The following MXRA5 variants were observed in gnomAD, a reference collection of about 807,000 sequenced individuals.
MXRA5 encodes matrix remodeling associated 5, also known as matrix-remodeling-associated protein 5.
A neutral mutation model predicts 112.5 loss-of-function variants in MXRA5; 41 were observed. The observed-to-expected ratio is 0.36, with a 90% CI of 0.28 to 0.47. The LOEUF is 0.47. Ranked by LOEUF, MXRA5 falls within the 20% of genes least tolerant of loss-of-function variation. MXRA5 has a pLI of 0.99. For synonymous variants in MXRA5, 862 were observed against 900.8 expected, an observed-to-expected ratio of 0.96 and a Z score of 0.77; for missense variants, 2,150 against 2,251.0, an observed-to-expected ratio of 0.96 and a Z score of 0.91.
chrX:3,311,404 C>T lies in MXRA5; in HGVS notation c.6799G>A (p.Ala2267Thr). Residue 2267 changes from alanine (A) to threonine (T), a missense_variant, in exon 7 of 7, where the codon GCC (alanine) becomes ACC (threonine). Ala to Thr is a moderately conservative substitution (Grantham distance 58). Around this residue, in one of 6 missense-constraint regions of MXRA5, gnomAD observed 1,485 missense variants for 1,471.6 expected, o/e 1.01. Transcript: ENST00000217939. Reference protein sequence around the residue: ...YGGDLKVDCVATGLPNPEISW... With the variant: ...YGGDLKVDCVTTGLPNPEISW... ...ATCTCGGGATTGGGAAGCCCGGTGG[C>T]CACACAGTCCACTTTCAGGTCACCC... 1 of 1,211,783 alleles carries T rather than the reference C, an allele frequency of 8.3e-7. No homozygotes were observed. Among genetic ancestry groups the T allele is most frequent in the Non-Finnish European group, 1.1e-6 (1 of 895,551 alleles).
rs747103014 is a variant in MXRA5, at chrX:3,321,558, C to T, written c.4127G>A (p.Gly1376Glu). Residue 1376 changes from glycine (G) to glutamate (E), a missense_variant, in exon 5 of 7, where the codon GGA (glycine) becomes GAA (glutamate). By Grantham distance (98) the Gly-to-Glu change is moderately conservative. Coordinates refer to ENST00000217939, the MANE Select transcript of MXRA5 (RefSeq NM_015419.4). ...CCTTGAGGGATTCCAGGTTGGAGTT[C>T]CTGGAAAGCCTACAGGAGAGGATTC... ...KEESSPVGFP[G>E]TPTWNPSRTA... 7.5e-6 allele frequency: 9 copies of T among 1,207,722 alleles called. No homozygotes were observed. Among genetic ancestry groups the T allele is most frequent in the Middle Eastern group, 2.5e-4 (1 of 3,933 alleles).
intron 2 of MXRA5, among the ~76,000 whole-genome samples, chrX:3,343,151 G>A (rs1289277567): frequency 8.9e-6 from 1 of 112,527 alleles, no homozygotes. Context: ...TTAAAAAGAC[G>A]TTGATATTTT....
In MXRA5 at chrX:3,316,300, C is replaced by A. The variant is rs1411560526; in HGVS notation, c.6578+803G>T. 3.5e-5 allele frequency among the ~76,000 whole-genome samples: 3 copies of A among 86,732 alleles called. No homozygotes were observed. In the Admixed American group the frequency reaches 4.0e-4, roughly 11 times the overall value. 75.3% of individuals were successfully genotyped at this position (86,732 alleles called of 115,157 possible). On this transcript the variant is annotated intron_variant, in intron 6 of 6. Transcript: ENST00000217939. Reference sequence around the variant, plus strand: ...CTGCACTCCAGCCTGGGCCACAGAGCGAGATTCCGTCTCAAAAATAAATAA... The same window carrying A: ...CTGCACTCCAGCCTGGGCCACAGAGAGAGATTCCGTCTCAAAAATAAATAA...
In MXRA5 at chrX:3,309,557, C is replaced by A; in HGVS notation, c.*159G>T. On this transcript the variant is annotated 3_prime_UTR_variant, in exon 7 of 7. Transcript: ENST00000217939. ...TCTCGTGTCTGCATTGCTTCCTTTT[C>A]CCAACAATTGTAGATCAAGATCAAC... is the stretch of plus-strand genomic sequence containing the variant. 1.1e-5 allele frequency: 5 copies of A among 469,864 alleles called. No individual in the cohort carries two copies. In the South Asian group the frequency reaches 1.8e-4, roughly 17 times the overall value. 38.7% of individuals were successfully genotyped at this position (469,864 alleles called of 1,213,427 possible).
intron 2 of MXRA5, among the ~76,000 whole-genome samples, chrX:3,336,027 A>G (rs1004490377): frequency 3.6e-5 from 4 of 112,248 alleles, no homozygotes; most frequent in African/African-American, 1.3e-4. Context: ...TTTCATCTGT[A>G]TTTACAGCCA....
chrX:3,326,615 A>G (rs1921516588), intron 4 of MXRA5, among the ~76,000 whole-genome samples: 1 of 109,171 alleles, frequency 9.2e-6, no homozygotes, highest in South Asian at 4.0e-4. Context: ...TATTTGTAGT[A>G]AACACTTCAC....
chrX:3,338,624 A>T (rs1921837468), intron 2 of MXRA5, among the ~76,000 whole-genome samples: 1 of 110,041 alleles, frequency 9.1e-6, no homozygotes, highest in African/African-American at 3.4e-5. Flanking sequence ...AGATAGGTAG[A>T]TTAATAGATG....
Position 3,311,261 on chromosome X carries a change from C to T in MXRA5, c.6942G>A (p.Val2314=). The change falls in exon 7 of 7, where the codon GTG becomes GTA. Residue 2314 remains valine, a synonymous_variant. Transcript: ENST00000217939. ...TGTAGTCTCCTTCCTCCCTCATCCC[C>T]ACTTCGTTAAAGTAGAGTGTCCCAT... The part of the protein sequence containing the change: ...FNNGTLYFNE[V]GMREEGDYTC... 2 of 1,211,722 alleles carry T rather than the reference C, an allele frequency of 1.7e-6. No individual in the cohort carries two copies. The highest frequency in any genetic ancestry group is 1.1e-6 in the Non-Finnish European group (1 of 895,516).
At chrX:3,341,211 A>T (rs868732792) in intron 2 of MXRA5, among the ~76,000 whole-genome samples, 1 of 50,905 alleles carries the variant, frequency 2.0e-5, no homozygotes, top group Non-Finnish European at 3.3e-5. Context: ...TATAATATAT[A>T]ATAATATATA....
intron 6 of MXRA5, among the ~76,000 whole-genome samples, chrX:3,314,728 G>A (rs183488793): frequency 2.3e-3 from 260 of 110,815 alleles, no homozygotes; most frequent in Non-Finnish European, 4.4e-3. Context: ...GCACTGTAGG[G>A]TGTTGAGCAG....
intron 4 of MXRA5, among the ~76,000 whole-genome samples, chrX:3,325,986 T>A (rs1474142425): frequency 1.5e-5 from 1 of 67,796 alleles, no homozygotes; most frequent in Admixed American, 2.4e-4. Flanking sequence ...TTATAATATA[T>A]AATTTATATA....
rs6655018 is a variant in MXRA5 at position 3,309,536 on chromosome X, G to C, written c.*180C>G. The C allele has an allele frequency of 0.027, 11,918 of 439,635 alleles. 1,013 individuals carry two copies. The highest frequency in any genetic ancestry group is 0.25 in the African/African-American group (10,205 of 40,077). 36.2% of individuals were successfully genotyped at this position (439,635 alleles called of 1,213,427 possible). ...TCAGCAAGGCTGAGCCCTCCTTCTCGTGTCTGCATTGCTTCCTTTTCCCAA... is the reference window on the plus strand; with the variant it reads ...TCAGCAAGGCTGAGCCCTCCTTCTCCTGTCTGCATTGCTTCCTTTTCCCAA... On this transcript the variant is annotated 3_prime_UTR_variant, in exon 7 of 7. Transcript: ENST00000217939.
intron 2 of MXRA5, among the ~76,000 whole-genome samples, chrX:3,331,010 C>T (rs1921652280): frequency 9.0e-6 from 1 of 111,283 alleles, no homozygotes; most frequent in African/African-American, 3.3e-5. Context: ...TCCAGCAATC[C>T]TCCCACATCA....
At chrX:3,329,536 G>A (rs1921612185) in intron 4 of MXRA5, among the ~76,000 whole-genome samples, 2 of 66,379 alleles carry the variant, frequency 3.0e-5, no homozygotes, top group South Asian at 1.3e-3. Context: ...ATAAGTCCTG[G>A]TTGTTGTCAT....
chrX:3,317,069 A>G, intron 6 of MXRA5, 34 bp downstream of exon 6: 2 of 1,107,267 alleles, frequency 1.8e-6, no homozygotes, highest in South Asian at 4.6e-5. Flanking sequence ...CCACCAGCCC[A>G]GCGATTTACA....
At chrX:3,326,905 T>C (rs1362394132) in intron 4 of MXRA5, among the ~76,000 whole-genome samples, 1 of 111,758 alleles carries the variant, frequency 8.9e-6, no homozygotes, top group Non-Finnish European at 1.9e-5. Flanking sequence ...TCCAAACACA[T>C]TCCGTGAGTT....
Position 3,321,619 on chromosome X carries a change from G to T in MXRA5, c.4066C>A (p.Arg1356Ser), listed in dbSNP as rs1035250212. The part of the protein sequence containing the change: ...ESITNAIPTS[R>S]SLVSTMGEFK... ...TCTCCCATAGTGGAGACCAAGGAGC[G>T]AGAAGTTGGTATGGCATTAGTAATT... is the stretch of plus-strand genomic sequence containing the variant. Residue 1356 changes from arginine to serine, a missense_variant, in exon 5 of 7, where the codon CGC becomes AGC. Around this residue, in one of 6 missense-constraint regions of MXRA5, gnomAD observed 1,485 missense variants for 1,471.6 expected, o/e 1.01. Transcript: ENST00000217939. 82 of 1,209,526 alleles carry T rather than the reference G, an allele frequency of 6.8e-5. No homozygotes were observed. The highest frequency in any genetic ancestry group is 8.9e-5 in the Non-Finnish European group (80 of 894,988).
In MXRA5 at chrX:3,317,806, C is replaced by T; in HGVS notation, c.5875G>A (p.Asp1959Asn). The change falls in exon 6 of 7, where the codon GAC (aspartate) becomes AAC (asparagine). Residue 1959 changes from aspartate (D) to asparagine (N), a missense_variant. Around this residue, in one of 6 missense-constraint regions of MXRA5, gnomAD observed 1,485 missense variants for 1,471.6 expected, o/e 1.01. Coordinates refer to ENST00000217939, the MANE Select transcript of MXRA5 (RefSeq NM_015419.4). ...GTGTCTCCCAGGTAGACAGTGACGT[C>T]CTGGTAGTGGGAGGCTAGGATTTGA... ...QPQILASHYQ[D>N]VTVYLGDTIA... 1 of 1,211,153 alleles carries T rather than the reference C, an allele frequency of 8.3e-7. No individual in the cohort carries two copies. Among genetic ancestry groups the T allele is most frequent in the Non-Finnish European group, 1.1e-6 (1 of 895,278 alleles).
rs148987900 is a variant in MXRA5 at position 3,311,167 on chromosome X, C to T, written c.7036G>A (p.Ala2346Thr). 107 of 1,209,534 alleles carry T rather than the reference C, an allele frequency of 8.8e-5. No homozygotes were observed. Among genetic ancestry groups the T allele is most frequent in the Non-Finnish European group, 1.1e-4 (97 of 895,128 alleles). Residue 2346 changes from alanine (A) to threonine (T), a missense_variant, in exon 7 of 7, where the codon GCC (alanine) becomes ACC (threonine). Coordinates refer to ENST00000217939, the MANE Select transcript of MXRA5 (RefSeq NM_015419.4). The stretch of plus-strand genomic sequence containing the variant: ...AAGTAAGTCTTGTTCCGGATGGTGG[C>T]GGGCGCTGTCACCACCTTGACTCTG... Reference protein sequence around the residue: ...RVRVKVVTAPATIRNKTYLAV... With the variant: ...RVRVKVVTAPTTIRNKTYLAV...
Sources: gnomAD v4.1 joint callset for allele counts (sites outside exome capture counted in the v4.1 genomes callset) on GRCh38, gnomAD v4.1.1 for gene constraint, gnomAD v4.1.1 regional missense constraint, MANE v1.5 for transcripts, NCBI Gene and HGNC (gene_info 2026-07-23, HGNC 2026-07-21) for gene names.